AGTPBP1: variants seen among roughly 807,000 people sequenced by gnomAD.
The protein encoded by AGTPBP1 is ATP/GTP binding carboxypeptidase 1.
Under a neutral mutation model 143.9 loss-of-function variants are expected in AGTPBP1, and 70 were observed. That is an observed-to-expected ratio of 0.49 (90% CI 0.40 to 0.59). AGTPBP1 has a LOEUF of 0.59. Among genes scored for constraint, AGTPBP1 ranks in the 20% least tolerant of loss-of-function variants. AGTPBP1 has a pLI of 0.00. For missense variants in AGTPBP1, 1,229 were observed against 1,464.5 expected (o/e 0.84, Z 2.62); for synonymous variants, 463 against 500.2 (o/e 0.93, Z 0.99).
chr9:85,596,578 T>C (rs935959088), intron 17 of AGTPBP1, 129 bp from the exon 18 acceptor site: 6 of 586,876 alleles, frequency 1.0e-5, no homozygotes, highest in Non-Finnish European at 1.7e-5. Flanking sequence ...TTTTTTAGTA[T>C]GTATTTTAAA....
chr9:85,561,652 G>C (rs1826734375), intron 25 of AGTPBP1, among the ~76,000 whole-genome samples: 1 of 152,060 alleles, frequency 6.6e-6, no homozygotes, highest in African/African-American at 2.4e-5. Flanking sequence ...AGAAAAAAGA[G>C]CAGGGGGTGG....
intron 7 of AGTPBP1, among the ~76,000 whole-genome samples, chr9:85,671,007 T>C (rs1415736358): frequency 1.3e-5 from 2 of 152,176 alleles, no homozygotes; most frequent in Non-Finnish European, 2.9e-5. Context: ...AGTGGTGCAG[T>C]CATGGCTCAC....
At chr9:85,557,294 C>T (rs1358605711) in intron 25 of AGTPBP1, among the ~76,000 whole-genome samples, 1 of 152,110 alleles carries the variant, frequency 6.6e-6, no homozygotes, top group Non-Finnish European at 1.5e-5. Context: ...TCTGGGATCC[C>T]GAGGTGCTCA....
chr9:85,799,743 C>T, the AGTPBP1 span, among the ~76,000 whole-genome samples: 1 of 152,190 alleles, frequency 6.6e-6, no homozygotes, highest in South Asian at 2.1e-4. Context: ...GTCTTGAACT[C>T]CTGGGCTCAA....
intron 10 of AGTPBP1, among the ~76,000 whole-genome samples, chr9:85,657,092 A>C (rs1164633875): frequency 6.6e-6 from 1 of 151,674 alleles, no homozygotes; most frequent in Non-Finnish European, 1.5e-5. Flanking sequence ...ATGACGAGTT[A>C]GTGGGTGCAG....
At chr9:85,716,315 C>T (rs1053283094) in intron 1 of AGTPBP1, among the ~76,000 whole-genome samples, 2 of 152,150 alleles carry the variant, frequency 1.3e-5, no homozygotes, top group African/African-American at 4.8e-5. Context: ...TCTAAGTTTC[C>T]TTTAACGGAA....
rs1564134413 is a variant in AGTPBP1, at chr9:85,677,543, C to A, written c.329G>T (p.Gly110Val). The A allele has an allele frequency of 1.3e-6, 2 of 1,593,458 alleles. No individual in the cohort carries two copies. Among genetic ancestry groups the A allele is most frequent in the Non-Finnish European group, 1.7e-6 (2 of 1,171,250 alleles). The change falls in exon 6 of 26, where the codon GGT becomes GTT. Residue 110 changes from glycine to valine, a missense_variant. Physicochemically the swap from Gly to Val is moderately radical, Grantham distance 109. Coordinates refer to ENST00000357081, the MANE Select transcript of AGTPBP1 (RefSeq NM_001330701.2). Reference sequence around the variant, plus strand: ...AAGTAACTGCAACAATATTTGTGAACCACCTTTGGTGACTAAGAAACTCAC... The same window carrying A: ...AAGTAACTGCAACAATATTTGTGAAACACCTTTGGTGACTAAGAAACTCAC... ...RRVSFLVTKG[G>V]SQILLQLLMN... is the part of the protein sequence containing the mutation.
chr9:85,688,096 T>TAAAAAA (rs58523894), intron 3 of AGTPBP1, among the ~76,000 whole-genome samples: 11 of 34,674 alleles, frequency 3.2e-4, no homozygotes, highest in Admixed American at 5.2e-4. Flanking sequence ...GTCTCAAAAT[T>TAAAAAA]AAAAAAAAAA....
chr9:85,568,816 T>G (rs1827273716), intron 25 of AGTPBP1, among the ~76,000 whole-genome samples: 1 of 152,128 alleles, frequency 6.6e-6, no homozygotes, highest in Non-Finnish European at 1.5e-5. Context: ...ATGCCAAGAA[T>G]AAGACATGAG....
intron 25 of AGTPBP1, among the ~76,000 whole-genome samples, chr9:85,563,717 A>C (rs926331685): frequency 7.2e-5 from 11 of 152,222 alleles, no homozygotes; most frequent in Admixed American, 3.3e-4. Flanking sequence ...AAATAAACAG[A>C]GCCAGGAGCT....
chr9:85,645,219 TA>T (rs1832741076), intron 12 of AGTPBP1, among the ~76,000 whole-genome samples: 1 of 152,072 alleles, frequency 6.6e-6, no homozygotes, highest in African/African-American at 2.4e-5. Flanking sequence ...TAATAAAATG[TA>T]TTTTGTTCTT....
chr9:85,741,987 C>G, upstream of AGTPBP1: 1 of 1,221,696 alleles, frequency 8.2e-7, no homozygotes, highest in Non-Finnish European at 1.0e-6. Context: ...GCGCGGCGCC[C>G]CGCCCACCGC....
intron 23 of AGTPBP1, 63 bp from the exon 24 acceptor site, chr9:85,579,159 T>C (rs1274261574): frequency 1.4e-6 from 2 of 1,470,688 alleles, no homozygotes; most frequent in Admixed American, 5.5e-5. Context: ...ATGTTTTTAA[T>C]TTTAAAAAGT....
intron 23 of AGTPBP1, among the ~76,000 whole-genome samples, chr9:85,583,000 A>G (rs1419082760): frequency 6.6e-6 from 1 of 152,116 alleles, no homozygotes; most frequent in African/African-American, 2.4e-5. Flanking sequence ...TACCATCACA[A>G]GGGCTCTCAT....
intron 14 of AGTPBP1, among the ~76,000 whole-genome samples, chr9:85,623,090 G>A (rs1466005109): frequency 6.6e-6 from 1 of 152,136 alleles, no homozygotes; most frequent in Non-Finnish European, 1.5e-5. Context: ...GGGGCCAGCA[G>A]GTATGAGAAC....
At chr9:85,785,557 T>G in the AGTPBP1 span, among the ~76,000 whole-genome samples, 18 of 152,214 alleles carry the variant, frequency 1.2e-4, no homozygotes, top group Admixed American at 1.2e-3. Flanking sequence ...CAAGGGCATA[T>G]TCTCTCATCT....
At chr9:85,770,108 CAT>C in the AGTPBP1 span, among the ~76,000 whole-genome samples, 13 of 148,912 alleles carry the variant, frequency 8.7e-5, 1 homozygote, top group South Asian at 1.3e-3. Flanking sequence ...TGTATACACA[CAT>C]GTATACACAC....
At chr9:85,782,996 A>T in the AGTPBP1 span, among the ~76,000 whole-genome samples, 1 of 152,206 alleles carries the variant, frequency 6.6e-6, no homozygotes, top group Non-Finnish European at 1.5e-5. Context: ...TCTACTGTCA[A>T]ATTTGAGGTA....
At chr9:85,649,483 G>C (rs10780735) in intron 11 of AGTPBP1, among the ~76,000 whole-genome samples, 37,573 of 151,778 alleles carry the variant, frequency 0.25, 5,233 homozygotes, top group East Asian at 0.53. Context: ...CAATTGATTT[G>C]CTTGGATTTT....
Sources: gnomAD v4.1 joint callset for allele counts (sites outside exome capture counted in the v4.1 genomes callset) on GRCh38, gnomAD v4.1.1 for gene constraint, MANE v1.5 for transcripts, NCBI Gene and HGNC (gene_info 2026-07-23, HGNC 2026-07-21) for gene names.